The following RARA variants were observed in gnomAD, a reference collection of about 807,000 sequenced individuals.
The protein encoded by RARA is retinoic acid receptor alpha.
In RARA, 5 loss-of-function variants were observed where a neutral mutation model predicts 42.8. The observed-to-expected ratio is 0.12, with a 90% CI of 0.06 to 0.25. RARA has a LOEUF of 0.25. Among genes scored for constraint, RARA ranks in the 10% least tolerant of loss-of-function variants. RARA has a pLI of 1.00. For synonymous variants in RARA, 256 were observed against 259.5 expected (o/e 0.99, Z 0.13); for missense variants, 402 against 628.7 (o/e 0.64, Z 3.86).
chr17:40,327,082 C>T (rs1466654801), intron 1 of RARA, among the ~76,000 whole-genome samples: 1 of 152,040 alleles, frequency 6.6e-6, no homozygotes, highest in Non-Finnish European at 1.5e-5. Context: ...GGAGGCCTTC[C>T]AGCCTTGCCC....
At position 40,309,200 on chromosome 17, in the gene RARA, CA is replaced by C. The variant is rs932323696; in HGVS notation, c.-448del. Reference sequence around the variant, plus strand: ...CTCTTGCAGCAGCCTAACCCAGAAGCAGGGGGGAATCCTGAATCGAGCTGAG... The same window carrying C: ...CTCTTGCAGCAGCCTAACCCAGAAGCGGGGGGAATCCTGAATCGAGCTGAG... On this transcript the variant is annotated 5_prime_UTR_variant, in exon 1 of 9. Coordinates refer to ENST00000254066, the MANE Select transcript of RARA (RefSeq NM_000964.4). 4 of 152,452 alleles carry C rather than the reference CA, an allele frequency of 2.6e-5. No individual in the cohort carries two copies. The highest frequency in any genetic ancestry group is 9.6e-5 in the African/African-American group (4 of 41,590). The allele number at this position is 152,452 out of a possible 1,614,324, so 9.4% of individuals were successfully genotyped here. A position where few individuals can be genotyped will look rare whatever the true frequency, so the allele number is the denominator to read the frequency against.
Position 40,352,234 on chromosome 17 carries a change from A to G in RARA, c.631-97A>G, listed in dbSNP as rs2143501305. On this transcript the variant is annotated intron_variant, in intron 5 of 8. Transcript: ENST00000254066. This position sits in a 1 kb window ranked among gnomAD's most constrained non-coding sequence, Gnocchi z 4.9. ...GCCTCTTCCCAAGGAGCTCCCAGGA[A>G]GTGAAGGCTGGGTAGAGGGCAGGCC... is the stretch of plus-strand genomic sequence containing the variant. 13 of 1,505,162 alleles carry G rather than the reference A, an allele frequency of 8.6e-6. No individual in the cohort carries two copies. The highest frequency in any genetic ancestry group is 1.1e-5 in the Non-Finnish European group (13 of 1,132,308). 93.2% of individuals were successfully genotyped at this position (1,505,162 alleles called of 1,614,324 possible).
At chr17:40,348,071 G>C (rs1419298952) in intron 2 of RARA, 2 of 410,220 alleles carry the variant, frequency 4.9e-6, no homozygotes, top group African/African-American at 2.1e-5. Flanking sequence ...GTTTATCATT[G>C]TATCTTTGTG....
chr17:40,348,997 TCTC>T (rs2034359794), intron 3 of RARA: 1 of 155,076 alleles, frequency 6.4e-6, no homozygotes, highest in African/African-American at 2.4e-5. Flanking sequence ...GCGCCCGGCT[TCTC>T]CTCCTTTCCC....
chr17:40,352,170 T>C lies in RARA; in HGVS notation c.630+100T>C, dbSNP rs1769439864. 2.7e-6 allele frequency: 4 copies of C among 1,473,888 alleles called. No individual in the cohort carries two copies. Among genetic ancestry groups the C allele is most frequent in the Non-Finnish European group, 3.6e-6 (4 of 1,117,670 alleles). The allele number at this position is 1,473,888 out of a possible 1,614,324, so 91.3% of individuals were successfully genotyped here. ...CCCTTCTTGTGCCAGGCAAGATCTC[T>C]GCGTCCTTCCCTTCCCCTCTCTTCT... On this transcript the variant is annotated intron_variant, in intron 5 of 8. Coordinates refer to ENST00000254066, the MANE Select transcript of RARA (RefSeq NM_000964.4). This position sits in a 1 kb window ranked among gnomAD's most constrained non-coding sequence, Gnocchi z 4.9.
rs1406552279 is a variant in RARA at position 40,349,771 on chromosome 17, C to T, written c.328-13C>T. 7 of 1,613,738 alleles carry T rather than the reference C, an allele frequency of 4.3e-6. No homozygotes were observed. The highest frequency in any genetic ancestry group is 1.6e-4 in the Middle Eastern group (1 of 6,080). ...GGGTGTGGACAACCTGACTCCCTCCCCTCCATACCCAGGGCTTCTTCCGCC... is the reference window on the plus strand; with the variant it reads ...GGGTGTGGACAACCTGACTCCCTCCTCTCCATACCCAGGGCTTCTTCCGCC... On this transcript the variant is annotated splice_polypyrimidine_tract_variant and intron_variant, in intron 3 of 8. Coordinates refer to ENST00000254066, the MANE Select transcript of RARA (RefSeq NM_000964.4).
intron 2 of RARA, 169 bp from the exon 3 acceptor site, chr17:40,348,147 C>A: frequency 1.3e-6 from 1 of 794,658 alleles, no homozygotes; most frequent in Non-Finnish European, 1.9e-6. Flanking sequence ...CATTGGCAGC[C>A]TCCTGCCCTG....
chr17:40,342,208 C>T lies in RARA; in HGVS notation c.179-6108C>T, dbSNP rs896559441. On this transcript the variant is annotated intron_variant, in intron 2 of 8. Transcript: ENST00000254066. ...GAGCGAGTCGCCAGCTGCCCCTGGC[C>T]TGGCGGGGGCGGAACCGCGCGGGAT... is the stretch of plus-strand genomic sequence containing the variant. 2.8e-6 allele frequency: 3 copies of T among 1,055,200 alleles called. No homozygotes were observed. In the African/African-American group the frequency reaches 5.0e-5, roughly 17 times the overall value. 65.4% of individuals were successfully genotyped at this position (1,055,200 alleles called of 1,614,324 possible).
At chr17:40,319,143 T>C (rs2033296491) in intron 1 of RARA, among the ~76,000 whole-genome samples, 1 of 152,196 alleles carries the variant, frequency 6.6e-6, no homozygotes, top group African/African-American at 2.4e-5. Context: ...TGGAAGCTGC[T>C]GGCCAGATGT....
intron 1 of RARA, among the ~76,000 whole-genome samples, chr17:40,314,949 C>G (rs2033163372): frequency 6.6e-6 from 1 of 151,744 alleles, no homozygotes; most frequent in Non-Finnish European, 1.5e-5. Context: ...ACCCATAAAC[C>G]TGCAGAGCCA....
chr17:40,309,722 C>T (rs1438533826), intron 1 of RARA, among the ~76,000 whole-genome samples: 1 of 152,148 alleles, frequency 6.6e-6, no homozygotes, highest in African/African-American at 2.4e-5. Flanking sequence ...ACCCAAAGAG[C>T]TCAGGACTTT....
In RARA at chr17:40,355,208, G is replaced by T; in HGVS notation, c.1013-55G>T. ...GGCAGGCACGCCCCCCGGTGGCCGA[G>T]GCTGGGGGTGCAGCTGTGTTCCCAG... On this transcript the variant is annotated intron_variant, in intron 7 of 8. Coordinates refer to ENST00000254066, the MANE Select transcript of RARA (RefSeq NM_000964.4). The surrounding 1 kb of genome is among the most constrained non-coding windows in gnomAD (Gnocchi z 4.1). 4 of 1,511,782 alleles carry T rather than the reference G, an allele frequency of 2.6e-6. No individual in the cohort carries two copies. The highest frequency in any genetic ancestry group is 1.8e-6 in the Non-Finnish European group (2 of 1,123,286). The allele number at this position is 1,511,782 out of a possible 1,614,324, so 93.6% of individuals were successfully genotyped here.
intron 2 of RARA, among the ~76,000 whole-genome samples, chr17:40,346,014 A>G (rs2034255268): frequency 6.6e-6 from 1 of 152,276 alleles, no homozygotes; most frequent in South Asian, 2.1e-4. Flanking sequence ...GGGGCAGGCT[A>G]TGTTACAGCC....
At chr17:40,321,288 G>A (rs2033369849) in intron 1 of RARA, among the ~76,000 whole-genome samples, 2 of 151,978 alleles carry the variant, frequency 1.3e-5, no homozygotes, top group Non-Finnish European at 2.9e-5. Flanking sequence ...CTCGGGTGTG[G>A]GTGTCTCTTG....
intron 2 of RARA, chr17:40,342,837 C>G (rs1420802424): frequency 6.2e-7 from 1 of 1,613,052 alleles, no homozygotes; most frequent in Non-Finnish European, 8.5e-7. Context: ...CACCCCGCTC[C>G]GGACTCCGCT....
At chr17:40,346,290 C>T (rs1048392480) in intron 2 of RARA, among the ~76,000 whole-genome samples, 14 of 152,052 alleles carry the variant, frequency 9.2e-5, no homozygotes, top group East Asian at 5.8e-4. Context: ...TAGCTCCCCT[C>T]GTGACATCCC....
chr17:40,353,161 G>T (rs2143510183), intron 6 of RARA, among the ~76,000 whole-genome samples: 1 of 152,264 alleles, frequency 6.6e-6, no homozygotes, highest in African/African-American at 2.4e-5. Context: ...AGAGGGGGAG[G>T]TGAGAGGGTA....
At position 40,315,152 on chromosome 17, in the gene RARA, A is replaced by G. The variant is rs867133322; in HGVS notation, c.-363+5866A>G. The stretch of plus-strand genomic sequence containing the variant: ...TATGTGTATATATATATATATATAT[A>G]TATATATATATATATATATACACAC... On this transcript the variant is annotated intron_variant, in intron 1 of 8. Coordinates refer to ENST00000254066, the MANE Select transcript of RARA (RefSeq NM_000964.4). Among the ~76,000 whole-genome samples the G allele has an allele frequency of 8.6e-4, 113 of 131,910 alleles. No individual in the cohort carries two copies. In the Middle Eastern group the frequency reaches 0.019, roughly 22 times the overall value. The allele number at this position is 131,910 out of a possible 152,430, so 86.5% of individuals were successfully genotyped here.
chr17:40,350,021 C>T lies in RARA; in HGVS notation c.469+96C>T, dbSNP rs2034391104. ...GCAGGGCTCTGTGGATGTTTGTGCA[C>T]ATGCATGAACACGCATGCCGTGGTG... On this transcript the variant is annotated intron_variant, in intron 4 of 8. Coordinates refer to ENST00000254066, the MANE Select transcript of RARA (RefSeq NM_000964.4). 3 of 1,522,244 alleles carry T rather than the reference C, an allele frequency of 2.0e-6. No homozygotes were observed. The South Asian group carries it at 3.7e-5, about 19-fold the overall frequency. 94.3% of individuals were successfully genotyped at this position (1,522,244 alleles called of 1,614,324 possible).
Sources: allele counts gnomAD v4.1 joint callset (sites outside exome capture counted in the v4.1 genomes callset), GRCh38; gene constraint gnomAD v4.1.1; non-coding constraint Gnocchi (gnomAD v3.1); transcripts MANE v1.5; gene names NCBI Gene and HGNC (gene_info 2026-07-23, HGNC 2026-07-21).